The following TMEM229B variants were observed in gnomAD, a reference collection of about 807,000 sequenced individuals.
The protein encoded by TMEM229B is transmembrane protein 229B.
In TMEM229B, 6 loss-of-function variants were observed where a neutral mutation model predicts 13.7. The observed-to-expected ratio is 0.44, with a 90% CI of 0.24 to 0.86. The LOEUF (loss-of-function observed/expected upper bound fraction) is 0.86. Among genes scored for constraint, TMEM229B ranks in the 40% least tolerant of loss-of-function variants. TMEM229B has a pLI of 0.23. For synonymous variants in TMEM229B, 107 were observed against 102.1 expected (o/e 1.05, Z -0.29); for missense variants, 170 against 236.0 (o/e 0.72, Z 1.83).
At chr14:67,476,083 A>G (rs1251651578) in intron 2 of TMEM229B, among the ~76,000 whole-genome samples, 1 of 152,336 alleles carries the variant, frequency 6.6e-6, no homozygotes, top group East Asian at 1.9e-4. Context: ...CCAGCTGCTA[A>G]TGGCTTCACA....
intron 1 of TMEM229B, among the ~76,000 whole-genome samples, chr14:67,514,330 C>G (rs1036362958): frequency 6.6e-6 from 1 of 152,096 alleles, no homozygotes; most frequent in Admixed American, 6.5e-5. Flanking sequence ...AAGGAAGATA[C>G]CTGGGAAAGA....
rs2030682835 is a variant in TMEM229B, at chr14:67,471,047, C to T, written c.*2373G>A. The T allele has an allele frequency of 6.6e-6, 1 of 152,200 alleles. No homozygotes were observed. The highest frequency in any genetic ancestry group is 1.5e-5 in the Non-Finnish European group (1 of 68,092). The allele number at this position is 152,200 out of a possible 1,614,324, so 9.4% of individuals were successfully genotyped here. On this transcript the variant is annotated 3_prime_UTR_variant, in exon 3 of 3. Transcript: ENST00000554480. ...TGGTCAGGCCATGGGTTGTTGCCTTCCTTTGCTGGAGGTTTGATGCCTTAT... is the reference window on the plus strand; with the variant it reads ...TGGTCAGGCCATGGGTTGTTGCCTTTCTTTGCTGGAGGTTTGATGCCTTAT...
At chr14:67,514,290 TC>T (rs1208122219) in intron 1 of TMEM229B, among the ~76,000 whole-genome samples, 1 of 151,948 alleles carries the variant, frequency 6.6e-6, no homozygotes, top group East Asian at 1.9e-4. Flanking sequence ...GGGAAAGGGG[TC>T]CGTTTCTGAC....
intron 1 of TMEM229B, among the ~76,000 whole-genome samples, chr14:67,488,285 C>A (rs1179163276): frequency 6.6e-6 from 1 of 152,244 alleles, no homozygotes; most frequent in Non-Finnish European, 1.5e-5. Flanking sequence ...CTCAAGCTGA[C>A]AACCTGTGAG....
At chr14:67,531,661 T>C (rs1414887765) in intron 1 of TMEM229B, among the ~76,000 whole-genome samples, 1 of 149,950 alleles carries the variant, frequency 6.7e-6, no homozygotes, top group Admixed American at 6.7e-5. Context: ...ATCCCTGTAA[T>C]CCCAGCACTT....
At chr14:67,480,595 AT>A (rs2031525919) in intron 2 of TMEM229B, among the ~76,000 whole-genome samples, 1 of 152,028 alleles carries the variant, frequency 6.6e-6, no homozygotes, top group African/African-American at 2.4e-5. Flanking sequence ...CCTGAGACAG[AT>A]GGCACAGCAC....
chr14:67,506,135 C>T (rs952869113), intron 1 of TMEM229B, among the ~76,000 whole-genome samples: 4 of 152,194 alleles, frequency 2.6e-5, no homozygotes, highest in African/African-American at 7.2e-5. Context: ...TGAGCACTTT[C>T]CTGCCCCTCC....
In TMEM229B at chr14:67,473,727, C is replaced by A; in HGVS notation, c.197G>T (p.Arg66Leu). ...SILIVERMYL[R>L]LRGRCPLLLR... ...GAGCAGCGGGCAGCGGCCGCGCAGC[C>A]GCAGGTACATGCGCTCCACGATGAG... The change falls in exon 3 of 3, where the codon CGG (arginine) becomes CTG (leucine). Residue 66 changes from arginine (R) to leucine (L), a missense_variant. Physicochemically the swap from Arg to Leu is moderately radical, Grantham distance 102. Coordinates refer to ENST00000554480, the MANE Select transcript of TMEM229B (RefSeq NM_001348543.2). This position sits in a 1 kb window ranked among gnomAD's most constrained non-coding sequence, Gnocchi z 6.5. 6 of 1,610,858 alleles carry A rather than the reference C, an allele frequency of 3.7e-6. No homozygotes were observed. The highest frequency in any genetic ancestry group is 5.1e-6 in the Non-Finnish European group (6 of 1,178,702).
intron 1 of TMEM229B, among the ~76,000 whole-genome samples, chr14:67,506,116 T>C (rs1392941394): frequency 6.6e-6 from 1 of 152,130 alleles, no homozygotes; most frequent in Non-Finnish European, 1.5e-5. Flanking sequence ...GCCAGCAGAG[T>C]GTACCCAGTG....
rs540419965 is a variant in TMEM229B at position 67,478,104 on chromosome 14, C to T, written c.-18-4163G>A. Among the ~76,000 whole-genome samples the T allele has an allele frequency of 1.0e-3, 153 of 152,376 alleles. 1 individual carries two copies. Among genetic ancestry groups the T allele is most frequent in the African/African-American group, 3.6e-3 (148 of 41,586 alleles). On this transcript the variant is annotated intron_variant, in intron 2 of 2. Coordinates refer to ENST00000554480, the MANE Select transcript of TMEM229B (RefSeq NM_001348543.2). ...CTAAAACAACTACCGTCTACTATTA[C>T]AGCTCACATGTCTGTGGTTGGCAGA...
intron 1 of TMEM229B, among the ~76,000 whole-genome samples, chr14:67,514,181 G>A (rs1046564599): frequency 3.9e-5 from 6 of 152,092 alleles, no homozygotes; most frequent in Non-Finnish European, 7.4e-5. Context: ...AGCAGTGCCC[G>A]AACACTCTGC....
At chr14:67,481,196 T>A (rs1228544873) in intron 2 of TMEM229B, among the ~76,000 whole-genome samples, 1 of 152,082 alleles carries the variant, frequency 6.6e-6, no homozygotes, top group Non-Finnish European at 1.5e-5. Context: ...GGCAGGAGGA[T>A]CCCTTGAGTT....
At chr14:67,481,541 G>C (rs2031588023) in intron 2 of TMEM229B, among the ~76,000 whole-genome samples, 1 of 152,222 alleles carries the variant, frequency 6.6e-6, no homozygotes, top group African/African-American at 2.4e-5. Context: ...ATAGGAGACA[G>C]TGTCATTGGC....
chr14:67,498,596 G>C (rs1256036271), intron 1 of TMEM229B, among the ~76,000 whole-genome samples: 1 of 152,182 alleles, frequency 6.6e-6, no homozygotes, highest in Admixed American at 6.6e-5. Flanking sequence ...CAAGAAAGAC[G>C]AAGGAATGAG....
At chr14:67,518,977 C>A (rs1238075365), upstream of TMEM229B, among the ~76,000 whole-genome samples, 5 of 152,166 alleles carry the variant, frequency 3.3e-5, no homozygotes, top group Non-Finnish European at 7.3e-5. Flanking sequence ...GCAGAAGAAG[C>A]ATTGAAGTTG....
rs1311883866 is a variant in TMEM229B, at chr14:67,472,878, C to A, written c.*542G>T. The A allele has an allele frequency of 6.2e-6, 1 of 161,208 alleles. No homozygotes were observed. The highest frequency in any genetic ancestry group is 5.8e-5 in the Admixed American group (1 of 17,234). The allele number at this position is 161,208 out of a possible 1,614,324, so 10.0% of individuals were successfully genotyped here. A position where few individuals can be genotyped will look rare whatever the true frequency, so the allele number is the denominator to read the frequency against. On this transcript the variant is annotated 3_prime_UTR_variant, in exon 3 of 3. Transcript: ENST00000554480. ...GGGGAGAGGAGCCAAGGGAGGGTCT[C>A]CCAGCCCTTGCAGACCAGCGTTGCT...
At chr14:67,527,379 A>T (rs576411329) in intron 1 of TMEM229B, among the ~76,000 whole-genome samples, 4 of 152,334 alleles carry the variant, frequency 2.6e-5, no homozygotes, top group African/African-American at 9.6e-5. Flanking sequence ...CGGAGGTTGC[A>T]GTGAGCCGAT....
rs1487205559 is a variant in TMEM229B at position 67,477,729 on chromosome 14, C to G, written c.-18-3788G>C. The stretch of plus-strand genomic sequence containing the variant: ...CGCTCGAGCCCAGAACTCTTGAATT[C>G]AAGACTAGCCTAGACAATGCAGTGA... On this transcript the variant is annotated intron_variant, in intron 2 of 2. Coordinates refer to ENST00000554480, the MANE Select transcript of TMEM229B (RefSeq NM_001348543.2). Among the ~76,000 whole-genome samples the G allele has an allele frequency of 7.2e-5, 11 of 152,262 alleles. No homozygotes were observed. The East Asian group carries it at 2.1e-3, about 29-fold the overall frequency.
chr14:67,519,723 T>G (rs1275864781), upstream of TMEM229B, among the ~76,000 whole-genome samples: 1 of 151,756 alleles, frequency 6.6e-6, no homozygotes, highest in Admixed American at 6.6e-5. Flanking sequence ...TGTTTTTTTT[T>G]TTTTTTACTT....
Sources: gnomAD v4.1 joint callset for allele counts (sites outside exome capture counted in the v4.1 genomes callset) on GRCh38, gnomAD v4.1.1 for gene constraint, Gnocchi (gnomAD v3.1) non-coding constraint, MANE v1.5 for transcripts, NCBI Gene and HGNC (gene_info 2026-07-23, HGNC 2026-07-21) for gene names.